PPARGC1A: variants seen among roughly 807,000 people sequenced by gnomAD.
PPARGC1A encodes the protein PPARG coactivator 1 alpha.
PPARGC1A carries 25 observed loss-of-function variants against 88.7 expected under a neutral mutation model. That is an observed-to-expected ratio of 0.28 (90% confidence interval 0.21 to 0.39). The LOEUF is 0.39. Ranked by LOEUF, PPARGC1A falls within the 10% of genes least tolerant of loss-of-function variation. The probability of loss-of-function intolerance (pLI) is 1.00; values close to 1 mark genes in which losing one functional copy is unlikely to be tolerated. For synonymous variants in PPARGC1A, 363 were observed against 355.6 expected (o/e 1.02, Z -0.24); for missense variants, 880 against 968.7 (o/e 0.91, Z 1.22).
the PPARGC1A span, among the ~76,000 whole-genome samples, chr4:24,001,736 G>T: frequency 1.3e-5 from 2 of 152,032 alleles, no homozygotes; most frequent in Non-Finnish European, 2.9e-5. Context: ...TCCTTCAGGA[G>T]CTTTAACTGC....
the PPARGC1A span, among the ~76,000 whole-genome samples, chr4:23,985,951 T>G: frequency 1.3e-5 from 2 of 152,008 alleles, no homozygotes; most frequent in African/African-American, 2.4e-5. Context: ...TTCTGAGACA[T>G]AACCCCAAGT....
the PPARGC1A span, among the ~76,000 whole-genome samples, chr4:24,201,465 T>C: frequency 6.6e-6 from 1 of 152,326 alleles, no homozygotes; most frequent in Admixed American, 6.5e-5. Flanking sequence ...ATATTGATTA[T>C]TGCGGCTACT....
At chr4:23,955,990 C>T in the PPARGC1A span, among the ~76,000 whole-genome samples, 13 of 152,108 alleles carry the variant, frequency 8.5e-5, no homozygotes, top group East Asian at 5.8e-4. Flanking sequence ...TCAAAAGCAG[C>T]GATAGGCAGT....
At chr4:24,279,106 T>C in the PPARGC1A span, among the ~76,000 whole-genome samples, 1 of 152,202 alleles carries the variant, frequency 6.6e-6, no homozygotes, top group East Asian at 1.9e-4. Flanking sequence ...CATCTAACCT[T>C]TTTGGCCTTC....
the PPARGC1A span, among the ~76,000 whole-genome samples, chr4:23,976,418 T>C: frequency 6.6e-6 from 1 of 152,116 alleles, no homozygotes; most frequent in African/African-American, 2.4e-5. Context: ...CTCTTGGAAG[T>C]GAAGTGTATA....
the PPARGC1A span, among the ~76,000 whole-genome samples, chr4:24,113,312 G>C: frequency 2.7e-3 from 408 of 152,312 alleles, 4 homozygotes; most frequent in East Asian, 0.05. Context: ...ATGGATGGAT[G>C]GATGGAAATG....
At chr4:24,102,093 C>A in the PPARGC1A span, among the ~76,000 whole-genome samples, 14 of 152,220 alleles carry the variant, frequency 9.2e-5, no homozygotes, top group Admixed American at 9.2e-4. Context: ...CCCAACATAG[C>A]TTCAGCTCCA....
chr4:24,260,144 A>G, the PPARGC1A span, among the ~76,000 whole-genome samples: 2 of 152,260 alleles, frequency 1.3e-5, no homozygotes, highest in Admixed American at 1.3e-4. Flanking sequence ...AATAGCACTT[A>G]CTAAGTATAA....
At chr4:24,302,577 A>T in the PPARGC1A span, among the ~76,000 whole-genome samples, 1 of 152,228 alleles carries the variant, frequency 6.6e-6, no homozygotes, top group Admixed American at 6.5e-5. Flanking sequence ...CCTTTCTTTC[A>T]TCCAACCACT....
chr4:23,841,380 T>A (rs548489208), intron 2 of PPARGC1A, among the ~76,000 whole-genome samples: 1 of 152,134 alleles, frequency 6.6e-6, no homozygotes, highest in Non-Finnish European at 1.5e-5. Flanking sequence ...CTATGTTTCA[T>A]AGAACTCTGG....
chr4:24,090,071 G>A, the PPARGC1A span, among the ~76,000 whole-genome samples: 8 of 152,300 alleles, frequency 5.3e-5, no homozygotes, highest in African/African-American at 7.2e-5. Context: ...CCACAGAGAT[G>A]TCTGAGTCAT....
chr4:24,024,073 C>T, the PPARGC1A span, among the ~76,000 whole-genome samples: 1 of 152,138 alleles, frequency 6.6e-6, no homozygotes, highest in East Asian at 1.9e-4. Context: ...AATGGGACAA[C>T]CCACATGTAC....
the PPARGC1A span, among the ~76,000 whole-genome samples, chr4:23,936,918 A>G: frequency 3.3e-5 from 5 of 152,040 alleles, no homozygotes; most frequent in African/African-American, 9.7e-5. Context: ...TAAACTAAAC[A>G]CAGACTCCCA....
At chr4:23,812,725 A>G in intron 10 of PPARGC1A, 22 bp downstream of exon 10, 1 of 1,612,140 alleles carries the variant, frequency 6.2e-7, no homozygotes, top group Non-Finnish European at 8.5e-7. Flanking sequence ...TTTAAAATAA[A>G]AGTGAGCTCC....
At chr4:24,387,674 T>C in the PPARGC1A span, among the ~76,000 whole-genome samples, 4 of 149,700 alleles carry the variant, frequency 2.7e-5, no homozygotes, top group East Asian at 2.0e-4. Flanking sequence ...GAGGTGGAGA[T>C]TGTAGTGAGC....
the PPARGC1A span, among the ~76,000 whole-genome samples, chr4:24,338,843 C>A: frequency 2.6e-5 from 4 of 151,894 alleles, no homozygotes; most frequent in Non-Finnish European, 5.9e-5. Context: ...GTTAGCCTCC[C>A]TTCCATAAGA....
chr4:23,824,560 T>A, intron 5 of PPARGC1A, 52 bp from the exon 6 acceptor site: 1 of 1,445,568 alleles, frequency 6.9e-7, no homozygotes, highest in South Asian at 1.2e-5. Flanking sequence ...TCTTTTAGAT[T>A]TCTTTTCTCT....
the PPARGC1A span, among the ~76,000 whole-genome samples, chr4:24,052,359 G>T: frequency 6.9e-4 from 105 of 152,214 alleles, 1 homozygote; most frequent in African/African-American, 2.5e-3. Context: ...TGGAAAGACC[G>T]GTCATGGTGG....
At chr4:24,420,045 G>GTTCTT in the PPARGC1A span, among the ~76,000 whole-genome samples, 1 of 152,166 alleles carries the variant, frequency 6.6e-6, no homozygotes. Flanking sequence ...TCCATAAACA[G>GTTCTT]TTCTGTCAGT....
Sources: gnomAD v4.1 joint callset for allele counts (sites outside exome capture counted in the v4.1 genomes callset) on GRCh38, gnomAD v4.1.1 for gene constraint, MANE v1.5 for transcripts, NCBI Gene and HGNC (gene_info 2026-07-23, HGNC 2026-07-21) for gene names.